The following EYA4 variants were observed in gnomAD, a reference collection of about 807,000 sequenced individuals.
EYA4 encodes the protein protein phosphatase EYA4.
Under a neutral mutation model 87.9 loss-of-function variants are expected in EYA4, and 31 were observed. The ratio of observed to expected loss-of-function variants is 0.35; its 90% CI spans 0.27 to 0.48. The LOEUF is 0.48. Among genes scored for constraint, EYA4 ranks in the 20% least tolerant of loss-of-function variants. The probability of loss-of-function intolerance (pLI) is 0.99; values close to 1 mark genes in which losing one functional copy is unlikely to be tolerated. For missense variants in EYA4, 678 were observed against 761.4 expected, an observed-to-expected ratio of 0.89 and a Z score of 1.29; for synonymous variants, 263 against 270.6, an observed-to-expected ratio of 0.97 and a Z score of 0.28.
In EYA4 at chr6:133,529,924, A is replaced by T. The variant is rs978216133; in HGVS notation, c.*1119A>T. 3 of 985,160 alleles carry T rather than the reference A, an allele frequency of 3.0e-6. No individual in the cohort carries two copies. The African/African-American group carries it at 5.2e-5, about 17-fold the overall frequency. 61.0% of individuals were successfully genotyped at this position (985,160 alleles called of 1,614,324 possible). ...GGAGGATATTATCATGCAAATCATGAGCAATTATCACATAAACTTTTTTAG... is the reference window on the plus strand; with the variant it reads ...GGAGGATATTATCATGCAAATCATGTGCAATTATCACATAAACTTTTTTAG... On this transcript the variant is annotated 3_prime_UTR_variant, in exon 20 of 20. Transcript: ENST00000355286.
At chr6:133,408,572 G>C (rs144586569) in intron 3 of EYA4, among the ~76,000 whole-genome samples, 328 of 152,260 alleles carry the variant, frequency 2.2e-3, no homozygotes, top group African/African-American at 7.4e-3. Context: ...TTGAAACATG[G>C]ATTTGCCACT....
At chr6:133,272,171 G>A (rs1419518089) in intron 1 of EYA4, among the ~76,000 whole-genome samples, 2 of 152,220 alleles carry the variant, frequency 1.3e-5, no homozygotes, top group Non-Finnish European at 2.9e-5. Flanking sequence ...GAAAGGGGCT[G>A]TAGTGCTGCA....
intron 1 of EYA4, among the ~76,000 whole-genome samples, chr6:133,268,041 A>G (rs867686718): frequency 6.6e-6 from 1 of 152,206 alleles, no homozygotes; most frequent in African/African-American, 2.4e-5. Flanking sequence ...TATGTATACA[A>G]TAATCCAAAA....
At chr6:133,500,635 G>T (rs887938562) in intron 13 of EYA4, among the ~76,000 whole-genome samples, 1 of 152,042 alleles carries the variant, frequency 6.6e-6, no homozygotes, top group African/African-American at 2.4e-5. Flanking sequence ...CACCAAATCC[G>T]TGCCTCCTAC....
At chr6:133,248,880 T>TG (rs983533172) in intron 1 of EYA4, 8 of 143,634 alleles carry the variant, frequency 5.6e-5, no homozygotes, top group Non-Finnish European at 1.3e-4. Context: ...TGTTTTTTTT[T>TG]TTGTTTGTTT....
intron 3 of EYA4, among the ~76,000 whole-genome samples, chr6:133,394,289 T>TTTTTTTTG (rs1787584807): frequency 1.1e-4 from 2 of 18,198 alleles, no homozygotes; most frequent in African/African-American, 1.6e-4. Context: ...CTTGTGTTTT[T>TTTTTTTTG]TTTTTTTTTT....
intron 19 of EYA4, among the ~76,000 whole-genome samples, chr6:133,526,815 T>C (rs1800675606): frequency 6.6e-6 from 1 of 152,208 alleles, no homozygotes; most frequent in Non-Finnish European, 1.5e-5. Context: ...ACCATAGTTA[T>C]ACACAACAAA....
intron 5 of EYA4, among the ~76,000 whole-genome samples, chr6:133,455,096 C>T (rs888409447): frequency 6.6e-6 from 1 of 152,116 alleles, no homozygotes; most frequent in African/African-American, 2.4e-5. Context: ...TCATCTAGCA[C>T]GTAGCAAGCT....
In EYA4 at chr6:133,531,956, G is replaced by A. The variant is rs1412316652; in HGVS notation, c.*3151G>A. On this transcript the variant is annotated 3_prime_UTR_variant, in exon 20 of 20. Transcript: ENST00000355286. Reference sequence around the variant, plus strand: ...GACTCCCAACTACGGTAGCATTATGGACATCTCACAATGTCAAGGGTTTCT... The same window carrying A: ...GACTCCCAACTACGGTAGCATTATGAACATCTCACAATGTCAAGGGTTTCT... 1 of 152,128 alleles carries A rather than the reference G, an allele frequency of 6.6e-6. No homozygotes were observed. Among genetic ancestry groups the A allele is most frequent in the African/African-American group, 2.4e-5 (1 of 41,418 alleles). 9.4% of individuals were successfully genotyped at this position (152,128 alleles called of 1,614,324 possible).
chr6:133,428,911 C>CTTTATTTTTTTTT (rs1790920652), intron 3 of EYA4, among the ~76,000 whole-genome samples: 1 of 48,230 alleles, frequency 2.1e-5, no homozygotes, highest in Admixed American at 4.0e-4. Flanking sequence ...GATTTAGCTT[C>CTTTATTTTTTTTT]TTTTTTTTTT....
At chr6:133,502,075 C>A (rs1055760620) in intron 13 of EYA4, among the ~76,000 whole-genome samples, 5 of 151,480 alleles carry the variant, frequency 3.3e-5, no homozygotes, top group African/African-American at 1.2e-4. Context: ...CTCTCTCACT[C>A]TCTCTCTCTC....
In EYA4 at chr6:133,529,503, T is replaced by TA. The variant is rs1223956415; in HGVS notation, c.*702dup. 1 of 942,754 alleles carries TA rather than the reference T, an allele frequency of 1.1e-6. No individual in the cohort carries two copies. The highest frequency in any genetic ancestry group is 1.2e-4 in the East Asian group (1 of 8,628). 58.4% of individuals were successfully genotyped at this position (942,754 alleles called of 1,614,324 possible). On this transcript the variant is annotated 3_prime_UTR_variant, in exon 20 of 20. Transcript: ENST00000355286. Reference sequence around the variant, plus strand: ...TTGTGTGTTACAATGTAACTTTGGTTAAAATCTCTGTAGATAATGAAAAAA... The same window carrying TA: ...TTGTGTGTTACAATGTAACTTTGGTTAAAAATCTCTGTAGATAATGAAAAAA...
chr6:133,401,197 A>C (rs1390806436), intron 3 of EYA4, among the ~76,000 whole-genome samples: 1 of 152,142 alleles, frequency 6.6e-6, no homozygotes, highest in African/African-American at 2.4e-5. Context: ...AGTGGATCTC[A>C]TAAGGATAGA....
At chr6:133,288,061 G>A (rs576800532) in intron 2 of EYA4, among the ~76,000 whole-genome samples, 8 of 152,228 alleles carry the variant, frequency 5.3e-5, no homozygotes, top group East Asian at 1.9e-4. Context: ...CCCAGGAGTC[G>A]GAGGTGGCAG....
Position 133,531,219 on chromosome 6 carries a change from C to A in EYA4, c.*2414C>A. On this transcript the variant is annotated 3_prime_UTR_variant, in exon 20 of 20. Coordinates refer to ENST00000355286, the MANE Select transcript of EYA4 (RefSeq NM_004100.5). ...TGATTCTGTGTTCAGAAGAGGCTGCCGGCATAAAACCTAAATGCAAGGTTG... is the reference window on the plus strand; with the variant it reads ...TGATTCTGTGTTCAGAAGAGGCTGCAGGCATAAAACCTAAATGCAAGGTTG... 6.5e-7 allele frequency: 1 copy of A among 1,534,624 alleles called. No individual in the cohort carries two copies. Among genetic ancestry groups the A allele is most frequent in the Non-Finnish European group, 8.7e-7 (1 of 1,146,478 alleles).
chr6:133,522,999 C>A lies in EYA4; in HGVS notation c.1617-57C>A, dbSNP rs41286206. ...AGAGACCACAGTGACAATTTTAAAT[C>A]TATTAGAAGTTATTTAGTATTAGAA... is the stretch of plus-strand genomic sequence containing the variant. On this transcript the variant is annotated intron_variant, in intron 17 of 19. Transcript: ENST00000355286. The A allele has an allele frequency of 0.14, 208,771 of 1,447,036 alleles. 15,857 individuals carry two copies. Among genetic ancestry groups the A allele is most frequent in the Middle Eastern group, 0.22 (1,221 of 5,622 alleles). 89.6% of individuals were successfully genotyped at this position (1,447,036 alleles called of 1,614,324 possible). A position where few individuals can be genotyped will look rare whatever the true frequency, so the allele number is the denominator to read the frequency against.
intron 3 of EYA4, chr6:133,435,278 G>A (rs895023556): frequency 3.9e-5 from 6 of 152,234 alleles, no homozygotes; most frequent in African/African-American, 1.2e-4. Flanking sequence ...CGAGGCCTGA[G>A]GTCACCCTGG....
At chr6:133,431,735 C>T (rs1375695680) in intron 3 of EYA4, among the ~76,000 whole-genome samples, 1 of 152,142 alleles carries the variant, frequency 6.6e-6, no homozygotes, top group East Asian at 1.9e-4. Flanking sequence ...GTATTTTTGT[C>T]AAGCTTTTAG....
At chr6:133,483,261 A>T (rs1468868710) in intron 13 of EYA4, 146 bp downstream of exon 13, 2 of 629,982 alleles carry the variant, frequency 3.2e-6, no homozygotes, top group Non-Finnish European at 5.5e-6. Context: ...CTAGTGTCTT[A>T]TAGTTCTTTA....
Sources: allele counts gnomAD v4.1 joint callset (sites outside exome capture counted in the v4.1 genomes callset), GRCh38; gene constraint gnomAD v4.1.1; transcripts MANE v1.5; gene names NCBI Gene and HGNC (gene_info 2026-07-23, HGNC 2026-07-21).